The following SMG6 variants were observed in gnomAD, a reference collection of about 807,000 sequenced individuals.
The protein encoded by SMG6 is SMG6 nonsense mediated mRNA decay factor.
A neutral mutation model predicts 142.2 loss-of-function variants in SMG6; 66 were observed. That is an observed-to-expected ratio of 0.46 (90% CI 0.38 to 0.57). SMG6 has a LOEUF of 0.57. Among genes scored for constraint, SMG6 ranks in the 20% least tolerant of loss-of-function variants. The pLI is 0.00. For missense variants in SMG6, 1,793 were observed against 1,832.0 expected (o/e 0.98, Z 0.39); for synonymous variants, 779 against 702.4 (o/e 1.11, Z -1.72).
chr17:2,144,000 C>CATA (rs1190229332), intron 13 of SMG6, among the ~76,000 whole-genome samples: 2 of 151,334 alleles, frequency 1.3e-5, no homozygotes, highest in Non-Finnish European at 2.9e-5. Context: ...GGATCCTCCC[C>CATA]ACTTAGCCTC....
intron 18 of SMG6, 112 bp from the exon 19 acceptor site, chr17:2,061,734 G>A (rs1002000765): frequency 1.6e-6 from 2 of 1,249,678 alleles, no homozygotes; most frequent in Non-Finnish European, 2.2e-6. Flanking sequence ...CGCTAGCCGT[G>A]TCTTGGCTCT....
chr17:2,140,835 C>A (rs867545204), intron 13 of SMG6, among the ~76,000 whole-genome samples: 6 of 151,978 alleles, frequency 3.9e-5, no homozygotes, highest in Non-Finnish European at 8.8e-5. Context: ...CTGCTTTTTA[C>A]AGAAGCCTTG....
At chr17:2,115,773 G>A (rs540780963) in intron 13 of SMG6, among the ~76,000 whole-genome samples, 15 of 152,260 alleles carry the variant, frequency 9.9e-5, no homozygotes, top group African/African-American at 3.6e-4. Flanking sequence ...CCCTAGGCTG[G>A]AGTACAGTGG....
At chr17:2,152,088 G>C (rs567547605) in intron 13 of SMG6, among the ~76,000 whole-genome samples, 2 of 152,214 alleles carry the variant, frequency 1.3e-5, no homozygotes, top group African/African-American at 2.4e-5. Flanking sequence ...TGTTGGAGTC[G>C]GCCTGAGCCG....
chr17:2,152,896 T>C (rs2070870802), intron 13 of SMG6, among the ~76,000 whole-genome samples: 1 of 151,924 alleles, frequency 6.6e-6, no homozygotes, highest in South Asian at 2.1e-4. Context: ...ACAGCAGTTC[T>C]ATCCATGACC....
chr17:2,082,171 G>A (rs1297361283), intron 14 of SMG6: 1 of 559,600 alleles, frequency 1.8e-6, no homozygotes, highest in Non-Finnish European at 3.2e-6. Flanking sequence ...TTTATACTCT[G>A]GGGCTTTTCC....
Position 2,059,860 on chromosome 17 carries a change from A to C in SMG6, c.*1632T>G, listed in dbSNP as rs1273661504. 1 of 166,116 alleles carries C rather than the reference A, an allele frequency of 6.0e-6. No individual in the cohort carries two copies. Among genetic ancestry groups the C allele is most frequent in the Admixed American group, 6.5e-5 (1 of 15,290 alleles). 10.3% of individuals were successfully genotyped at this position (166,116 alleles called of 1,614,324 possible). A position where few individuals can be genotyped will look rare whatever the true frequency, so the allele number is the denominator to read the frequency against. On this transcript the variant is annotated 3_prime_UTR_variant, in exon 19 of 19. Coordinates refer to ENST00000263073, the MANE Select transcript of SMG6 (RefSeq NM_017575.5). The stretch of plus-strand genomic sequence containing the variant: ...AGGTCAGGTATGTTTCATAACTAAA[A>C]ATTTATTAAGGAAACAAAACCAGTG...
intron 13 of SMG6, among the ~76,000 whole-genome samples, chr17:2,111,392 G>A (rs1371737615): frequency 6.6e-6 from 1 of 152,146 alleles, no homozygotes; most frequent in African/African-American, 2.4e-5. Context: ...CCACAAAAAA[G>A]AGAGGTCCTT....
Position 2,277,161 on chromosome 17 carries a change from ATTTATTTTTTATTTT to A in SMG6, c.2661+5471_2661+5485del, listed in dbSNP as rs1293502870. ...TATTTATTTATTTATTTATTTATTTATTTATTTTTTATTTTTTTTTTTTTTGAGACAGAGTCTCGC... is the reference window on the plus strand; with the variant it reads ...TATTTATTTATTTATTTATTTATTTATTTTTTTTTTGAGACAGAGTCTCGC... On this transcript the variant is annotated intron_variant, in intron 8 of 18. Transcript: ENST00000263073. Among the ~76,000 whole-genome samples the A allele has an allele frequency of 2.9e-3, 191 of 65,140 alleles. 1 individual carries two copies. Among genetic ancestry groups the A allele is most frequent in the African/African-American group, 9.7e-3 (165 of 17,020 alleles). 42.7% of individuals were successfully genotyped at this position (65,140 alleles called of 152,430 possible). A position where few individuals can be genotyped will look rare whatever the true frequency, so the allele number is the denominator to read the frequency against.
intron 10 of SMG6, among the ~76,000 whole-genome samples, chr17:2,192,954 C>A (rs1022836992): frequency 6.6e-6 from 1 of 152,208 alleles, no homozygotes; most frequent in African/African-American, 2.4e-5. Flanking sequence ...CAGAATCAGG[C>A]ACTAATACAC....
At chr17:2,230,335 AAGG>A (rs2073452506) in intron 10 of SMG6, among the ~76,000 whole-genome samples, 1 of 29,860 alleles carries the variant, frequency 3.3e-5, no homozygotes, top group Non-Finnish European at 7.1e-5. Flanking sequence ...AAAAAAAAAA[AAGG>A]GAAAACCACA....
chr17:2,303,567 G>A, intron 1 of SMG6, 66 bp downstream of exon 1: 1 of 1,365,164 alleles, frequency 7.3e-7, no homozygotes. Context: ...CGGGGAGGAG[G>A]CAGAGGAGGA....
intron 10 of SMG6, among the ~76,000 whole-genome samples, chr17:2,196,702 T>G (rs2072339097): frequency 6.6e-6 from 1 of 152,048 alleles, no homozygotes; most frequent in South Asian, 2.1e-4. Flanking sequence ...TGAAAAAGAA[T>G]AAAGCGGGAG....
intron 13 of SMG6, among the ~76,000 whole-genome samples, chr17:2,145,974 A>T (rs975544377): frequency 1.3e-5 from 2 of 152,176 alleles, no homozygotes; most frequent in African/African-American, 4.8e-5. Context: ...TAGCATCTGA[A>T]TAACTAAAAA....
At chr17:2,157,609 T>C (rs977165290) in intron 13 of SMG6, among the ~76,000 whole-genome samples, 5 of 152,220 alleles carry the variant, frequency 3.3e-5, no homozygotes, top group African/African-American at 1.2e-4. Flanking sequence ...AAGCATGGAC[T>C]TTCCTTTTGC....
intron 8 of SMG6, among the ~76,000 whole-genome samples, chr17:2,269,164 G>C (rs1196415748): frequency 1.3e-5 from 2 of 149,368 alleles, no homozygotes; most frequent in East Asian, 3.9e-4. Context: ...AGCTTGCAGT[G>C]AGCCGAGATC....
chr17:2,295,679 T>G (rs1007631090), intron 4 of SMG6, among the ~76,000 whole-genome samples: 9 of 152,146 alleles, frequency 5.9e-5, no homozygotes, highest in Non-Finnish European at 1.2e-4. Context: ...CAACTTTTGC[T>G]TCAACCACCA....
At chr17:2,096,712 G>A (rs532929542) in intron 13 of SMG6, among the ~76,000 whole-genome samples, 25 of 152,210 alleles carry the variant, frequency 1.6e-4, no homozygotes, top group African/African-American at 2.6e-4. Context: ...CAAATCTTTC[G>A]TAACGCCCTA....
intron 13 of SMG6, among the ~76,000 whole-genome samples, chr17:2,091,852 G>A (rs1298077195): frequency 6.7e-6 from 1 of 150,366 alleles, no homozygotes; most frequent in Non-Finnish European, 1.5e-5. Flanking sequence ...GTGTGTGTGT[G>A]TGTTTTTTTT....
Sources: gnomAD v4.1 joint callset for allele counts (sites outside exome capture counted in the v4.1 genomes callset) on GRCh38, gnomAD v4.1.1 for gene constraint, MANE v1.5 for transcripts, NCBI Gene and HGNC (gene_info 2026-07-23, HGNC 2026-07-21) for gene names.